The following DCLK1 variants were observed in gnomAD, a reference collection of about 807,000 sequenced individuals.
DCLK1 encodes doublecortin like kinase 1.
In DCLK1, 16 loss-of-function variants were observed where a neutral mutation model predicts 86.2. The observed-to-expected ratio is 0.19, with a 90% confidence interval of 0.13 to 0.28. The LOEUF is 0.28. Ranked by LOEUF, DCLK1 falls within the 10% of genes least tolerant of loss-of-function variation. The probability of loss-of-function intolerance (pLI) is 1.00; values close to 1 mark genes in which losing one functional copy is unlikely to be tolerated. For missense variants in DCLK1, 590 were observed against 940.2 expected, an observed-to-expected ratio of 0.63 and a Z score of 4.87; for synonymous variants, 369 against 370.5, an observed-to-expected ratio of 1.00 and a Z score of 0.05.
At chr13:36,104,030 G>A (rs572277010) in intron 3 of DCLK1, among the ~76,000 whole-genome samples, 64 of 152,198 alleles carry the variant, frequency 4.2e-4, no homozygotes, top group Non-Finnish European at 6.9e-4. Context: ...ATTGGCAGAT[G>A]CGTTCTTTTT....
At chr13:35,821,839 G>C (rs947119903) in intron 11 of DCLK1, among the ~76,000 whole-genome samples, 1 of 151,708 alleles carries the variant, frequency 6.6e-6, no homozygotes, top group African/African-American at 2.4e-5. Context: ...TTAATAACTG[G>C]GTGAGGAAGG....
chr13:35,829,883 A>T (rs191340552), intron 8 of DCLK1, among the ~76,000 whole-genome samples: 26 of 152,318 alleles, frequency 1.7e-4, no homozygotes, highest in Admixed American at 1.2e-3. Context: ...TAGAAGCCCA[A>T]GGATGCCCCT....
intron 8 of DCLK1, among the ~76,000 whole-genome samples, chr13:35,830,223 TA>T (rs201723671): frequency 1.2e-4 from 18 of 148,530 alleles, no homozygotes; most frequent in South Asian, 2.1e-4. Context: ...CTGACTCTAC[TA>T]AAAAAAAAAT....
chr13:35,811,928 C>G (rs947735964), intron 11 of DCLK1, among the ~76,000 whole-genome samples: 1 of 151,990 alleles, frequency 6.6e-6, no homozygotes, highest in Admixed American at 6.6e-5. Flanking sequence ...TTTTCAGTGC[C>G]TCGTATTTTC....
intron 4 of DCLK1, among the ~76,000 whole-genome samples, chr13:35,944,604 C>A (rs1490849366): frequency 1.3e-5 from 2 of 152,192 alleles, no homozygotes; most frequent in Non-Finnish European, 2.9e-5. Context: ...GAAGTAAAAT[C>A]TCAATTTAGA....
At chr13:36,040,610 T>C (rs1882669295) in intron 3 of DCLK1, among the ~76,000 whole-genome samples, 1 of 151,840 alleles carries the variant, frequency 6.6e-6, no homozygotes, top group South Asian at 2.1e-4. Flanking sequence ...TCTTTTATTC[T>C]CCTTTCTATA....
intron 3 of DCLK1, among the ~76,000 whole-genome samples, chr13:36,076,065 T>C (rs929026528): frequency 6.6e-6 from 1 of 152,158 alleles, no homozygotes; most frequent in Non-Finnish European, 1.5e-5. Context: ...CTTCCTTCAA[T>C]ATATCTTGCA....
At position 35,831,148 on chromosome 13, in the gene DCLK1, G is replaced by A. The variant is rs537315197; in HGVS notation, c.1230-2841C>T. Among the ~76,000 whole-genome samples the A allele has an allele frequency of 1.2e-4, 18 of 152,266 alleles. 1 individual carries two copies. Among genetic ancestry groups the A allele is most frequent in the South Asian group, 2.1e-4 (1 of 4,816 alleles). On this transcript the variant is annotated intron_variant, in intron 8 of 16. Transcript: ENST00000360631. The stretch of plus-strand genomic sequence containing the variant: ...GTGGATTTCCACTATACAACCTTTC[G>A]TAATAGGATTAAACCTTCCATTACA...
chr13:35,800,612 A>C (rs2086899327), intron 15 of DCLK1, among the ~76,000 whole-genome samples: 1 of 152,194 alleles, frequency 6.6e-6, no homozygotes, highest in African/African-American at 2.4e-5. Context: ...AAGCTCCTGG[A>C]TGAGGTTAAA....
At chr13:35,826,295 G>C (rs1231683749) in intron 10 of DCLK1, among the ~76,000 whole-genome samples, 3 of 150,710 alleles carry the variant, frequency 2.0e-5, no homozygotes, top group Non-Finnish European at 3.0e-5. Context: ...AGGCCGAGGT[G>C]GGCGGATCAC....
chr13:35,774,830 T>G, intron 16 of DCLK1, 131 bp from the exon 17 acceptor site: 1 of 1,028,188 alleles, frequency 9.7e-7, no homozygotes, highest in Middle Eastern at 2.6e-4. Flanking sequence ...GGCACACTTT[T>G]TGTTGACAGT....
At chr13:35,848,643 T>C in intron 6 of DCLK1, 1 of 985,338 alleles carries the variant, frequency 1.0e-6, no homozygotes, top group Non-Finnish European at 1.2e-6. Flanking sequence ...TTAGAACAAA[T>C]AGCATTTATT....
chr13:36,003,763 C>T (rs1207909054), intron 3 of DCLK1, among the ~76,000 whole-genome samples: 1 of 152,094 alleles, frequency 6.6e-6, no homozygotes, highest in African/African-American at 2.4e-5. Flanking sequence ...ACTTTATTTT[C>T]CTAAGAGATA....
intron 3 of DCLK1, among the ~76,000 whole-genome samples, chr13:36,019,522 A>G (rs1258761074): frequency 1.3e-5 from 2 of 152,212 alleles, no homozygotes; most frequent in African/African-American, 2.4e-5. Context: ...AATGTGTTTA[A>G]GCTTACATAA....
rs559376607 is a variant in DCLK1, at chr13:35,819,592, G to A, written c.1554+3137C>T. Among the ~76,000 whole-genome samples the A allele has an allele frequency of 1.4e-4, 22 of 152,172 alleles. No homozygotes were observed. In the South Asian group the frequency reaches 3.3e-3, roughly 23 times the overall value. Reference sequence around the variant, plus strand: ...AGGGTTTTATAAGCCTTTTAATAACGTAGTAAAACAAAGTATGCTGTGAGG... The same window carrying A: ...AGGGTTTTATAAGCCTTTTAATAACATAGTAAAACAAAGTATGCTGTGAGG... On this transcript the variant is annotated intron_variant, in intron 11 of 16. Coordinates refer to ENST00000360631, the MANE Select transcript of DCLK1 (RefSeq NM_001330071.2).
At chr13:35,950,245 T>G (rs2153134001) in intron 3 of DCLK1, among the ~76,000 whole-genome samples, 1 of 152,320 alleles carries the variant, frequency 6.6e-6, no homozygotes, top group South Asian at 2.1e-4. Context: ...AAAGATGAAT[T>G]TAGGATAATC....
chr13:35,831,625 G>C (rs889029297), intron 8 of DCLK1, among the ~76,000 whole-genome samples: 1 of 152,038 alleles, frequency 6.6e-6, no homozygotes, highest in Non-Finnish European at 1.5e-5. Context: ...AAGAATACTA[G>C]ATGACCTGAC....
chr13:36,078,165 G>A (rs1039458720), intron 3 of DCLK1, among the ~76,000 whole-genome samples: 2 of 152,198 alleles, frequency 1.3e-5, no homozygotes, highest in African/African-American at 4.8e-5. Flanking sequence ...TCTACGCCAT[G>A]TGAGGACAGA....
rs539259265 is a variant in DCLK1 at position 35,872,362 on chromosome 13, C to A, written c.824-1022G>T. Among the ~76,000 whole-genome samples the A allele has an allele frequency of 1.1e-4, 16 of 152,224 alleles. No homozygotes were observed. In the South Asian group the frequency reaches 3.3e-3, roughly 32 times the overall value. On this transcript the variant is annotated intron_variant, in intron 4 of 16. Transcript: ENST00000360631. ...TTTGTTCATATGTGTTGATCTGTTA[C>A]CAACCCTTTTCACAATACAGTATCT...
Sources: allele counts gnomAD v4.1 joint callset (sites outside exome capture counted in the v4.1 genomes callset), GRCh38; gene constraint gnomAD v4.1.1; transcripts MANE v1.5; gene names NCBI Gene and HGNC (gene_info 2026-07-23, HGNC 2026-07-21).